Variants in HP1BP3 observed in about 807,000 individuals in gnomAD.
HP1BP3 encodes the protein heterochromatin protein 1 binding protein 3, also known as heterochromatin protein 1-binding protein 3.
HP1BP3 carries 12 observed loss-of-function variants against 62.5 expected under a neutral mutation model. That is an observed-to-expected ratio of 0.19 (90% CI 0.12 to 0.31). The LOEUF is 0.31. HP1BP3 is among the 10% of genes least tolerant of loss of function. HP1BP3 has a pLI of 1.00. For missense variants in HP1BP3, 502 were observed against 651.8 expected, an observed-to-expected ratio of 0.77 and a Z score of 2.50; for synonymous variants, 260 against 237.8, an observed-to-expected ratio of 1.09 and a Z score of -0.86.
At chr1:20,761,165 C>G (rs1164365187) in intron 8 of HP1BP3, among the ~76,000 whole-genome samples, 2 of 152,066 alleles carry the variant, frequency 1.3e-5, no homozygotes, top group Non-Finnish European at 2.9e-5. Flanking sequence ...TTGCCTTGGC[C>G]TCTTGAGTAG....
intron 9 of HP1BP3, among the ~76,000 whole-genome samples, chr1:20,754,526 T>C (rs1440710833): frequency 6.6e-6 from 1 of 151,936 alleles, no homozygotes; most frequent in South Asian, 2.1e-4. Flanking sequence ...GGACCCGGCA[T>C]AGTCAAAACA....
intron 1 of HP1BP3, among the ~76,000 whole-genome samples, chr1:20,785,782 T>G (rs918802700): frequency 2.0e-5 from 3 of 152,206 alleles, no homozygotes; most frequent in Non-Finnish European, 4.4e-5. Context: ...CAGCAAACTT[T>G]AAAATGTTAC....
intron 6 of HP1BP3, among the ~76,000 whole-genome samples, chr1:20,769,621 G>C (rs72650901): frequency 0.028 from 4,244 of 152,178 alleles, 90 homozygotes; most frequent in Middle Eastern, 0.048. Context: ...ACCTTGCTAT[G>C]TTGCCCAGGC....
intron 6 of HP1BP3, among the ~76,000 whole-genome samples, chr1:20,768,222 G>A (rs879354021): frequency 2.0e-5 from 3 of 151,944 alleles, no homozygotes; most frequent in Non-Finnish European, 4.4e-5. Context: ...CGAGGCGGGC[G>A]AATCACGAGG....
intron 8 of HP1BP3, among the ~76,000 whole-genome samples, chr1:20,764,666 CAAAG>C (rs1235190632): frequency 1.5e-5 from 2 of 133,158 alleles, no homozygotes; most frequent in Non-Finnish European, 3.2e-5. Flanking sequence ...CAGGATCTTA[CAAAG>C]AAAGATAAGA....
chr1:20,746,188 G>GTA (rs1375389691), intron 11 of HP1BP3, among the ~76,000 whole-genome samples: 4 of 7,840 alleles, frequency 5.1e-4, no homozygotes, highest in African/African-American at 7.7e-4. Flanking sequence ...ATACATATAT[G>GTA]TGTGTGTGTG....
chr1:20,785,371 T>C (rs569892001), intron 1 of HP1BP3, among the ~76,000 whole-genome samples: 15 of 152,350 alleles, frequency 9.8e-5, no homozygotes, highest in African/African-American at 3.6e-4. Context: ...TAATATGCAT[T>C]TTAGGGAAAG....
rs893231413 is a variant in HP1BP3 at position 20,744,275 on chromosome 1, T to C, written c.*522A>G. On this transcript the variant is annotated 3_prime_UTR_variant, in exon 13 of 13. Transcript: ENST00000438032. Reference sequence around the variant, plus strand: ...CCCAAAGCTGTCTCTGTGTTTACAGTTGGAGAGAAAAGGTTAGTGGAGTGG... The same window carrying C: ...CCCAAAGCTGTCTCTGTGTTTACAGCTGGAGAGAAAAGGTTAGTGGAGTGG... The C allele has an allele frequency of 1.3e-5, 2 of 152,824 alleles. No homozygotes were observed. The highest frequency in any genetic ancestry group is 4.8e-5 in the African/African-American group (2 of 41,416). 9.5% of individuals were successfully genotyped at this position (152,824 alleles called of 1,614,324 possible). A position where few individuals can be genotyped will look rare whatever the true frequency, so the allele number is the denominator to read the frequency against.
At chr1:20,784,473 TC>T (rs1307562313) in intron 1 of HP1BP3, among the ~76,000 whole-genome samples, 2 of 143,922 alleles carry the variant, frequency 1.4e-5, no homozygotes, top group South Asian at 2.2e-4. Flanking sequence ...ATTTGTGTTT[TC>T]CCTTTTTTTT....
chr1:20,786,891 AGAG>A (rs1413944484), intron 1 of HP1BP3, among the ~76,000 whole-genome samples: 1 of 151,858 alleles, frequency 6.6e-6, no homozygotes, highest in African/African-American at 2.4e-5. Context: ...TCGCACGGCC[AGAG>A]AAGAGCTCCC....
chr1:20,750,394 G>C (rs2055656998), intron 9 of HP1BP3: 2 of 151,868 alleles, frequency 1.3e-5, no homozygotes, highest in Non-Finnish European at 1.5e-5. Flanking sequence ...AGCCAGGTGT[G>C]GCAGGTGCCT....
chr1:20,773,795 G>C (rs892490934), intron 4 of HP1BP3, 185 bp from the exon 5 acceptor site: 3 of 436,680 alleles, frequency 6.9e-6, no homozygotes, highest in East Asian at 7.0e-5. Flanking sequence ...TACTATAAAT[G>C]AATTAAAAAG....
intron 1 of HP1BP3, among the ~76,000 whole-genome samples, chr1:20,784,480 T>C (rs1038398288): frequency 7.4e-5 from 11 of 148,504 alleles, no homozygotes; most frequent in Non-Finnish European, 1.5e-5. Flanking sequence ...TTTTCCCTTT[T>C]TTTTTTTTTT....
chr1:20,749,649 G>C (rs1340906679), intron 10 of HP1BP3, 74 bp downstream of exon 10: 5 of 1,425,034 alleles, frequency 3.5e-6, no homozygotes, highest in Non-Finnish European at 4.8e-6. Context: ...GTGAGCCACA[G>C]TGCCTGGCCC....
At chr1:20,757,139 T>A in intron 9 of HP1BP3, 27 bp downstream of exon 9, 1 of 1,502,682 alleles carries the variant, frequency 6.7e-7, no homozygotes. Context: ...GAAGCACTTC[T>A]CCACAACCAG....
At chr1:20,779,229 C>A (rs1235339533) in intron 3 of HP1BP3, among the ~76,000 whole-genome samples, 1 of 151,910 alleles carries the variant, frequency 6.6e-6, no homozygotes, top group African/African-American at 2.4e-5. Flanking sequence ...AGGAAAAAAA[C>A]CAAAAAGATC....
chr1:20,770,315 T>C (rs1570640264), intron 6 of HP1BP3, among the ~76,000 whole-genome samples: 1 of 152,152 alleles, frequency 6.6e-6, no homozygotes, highest in African/African-American at 2.4e-5. Context: ...AGGGCAATTA[T>C]TATTTCTGTT....
rs766943434 is a variant in HP1BP3 at position 20,785,637 on chromosome 1, A to G, written c.-101+1558T>C. On this transcript the variant is annotated intron_variant, in intron 1 of 12. Coordinates refer to ENST00000438032, the MANE Select transcript of HP1BP3 (RefSeq NM_001372052.1). ...AAGGACACTACAGTGTCTCATCTCA[A>G]TAAAATCACAATCTAACTGGGTAAG... Among the ~76,000 whole-genome samples, 61 of 152,208 alleles carry G rather than the reference A, an allele frequency of 4.0e-4. 1 individual carries two copies. Among genetic ancestry groups the G allele is most frequent in the Non-Finnish European group, 7.3e-5 (5 of 68,034 alleles).
intron 1 of HP1BP3, chr1:20,786,415 G>C (rs57693943): frequency 1.4e-5 from 2 of 146,314 alleles, no homozygotes; most frequent in Admixed American, 1.3e-4. Flanking sequence ...CAAGAGCAGC[G>C]GAGACAAAGC....
Sources: allele counts gnomAD v4.1 joint callset (sites outside exome capture counted in the v4.1 genomes callset), GRCh38; gene constraint gnomAD v4.1.1; transcripts MANE v1.5; gene names NCBI Gene and HGNC (gene_info 2026-07-23, HGNC 2026-07-21).